Variants in PTGFRN observed in about 807,000 individuals in gnomAD.
The protein encoded by PTGFRN is prostaglandin F2 receptor negative regulator.
In PTGFRN, 35 loss-of-function variants were observed where a neutral mutation model predicts 83.2. The ratio of observed to expected loss-of-function variants is 0.42; its 90% CI spans 0.32 to 0.56. The LOEUF is 0.56. Ranked by LOEUF, PTGFRN falls within the 20% of genes least tolerant of loss-of-function variation. The pLI, the probability that PTGFRN is intolerant of heterozygous loss-of-function variation, is 0.11. For missense variants in PTGFRN, 1,051 were observed against 1,179.5 expected (o/e 0.89, Z 1.60); for synonymous variants, 519 against 498.6 (o/e 1.04, Z -0.55).
At chr1:116,978,671 A>C (rs1456712546) in intron 7 of PTGFRN, among the ~76,000 whole-genome samples, 1 of 152,222 alleles carries the variant, frequency 6.6e-6, no homozygotes, top group Non-Finnish European at 1.5e-5. Flanking sequence ...AAAATTCAAC[A>C]GTCCTTCATG....
intron 1 of PTGFRN, among the ~76,000 whole-genome samples, chr1:116,929,591 C>T (rs932324404): frequency 2.0e-5 from 3 of 152,152 alleles, no homozygotes; most frequent in Non-Finnish European, 2.9e-5. Context: ...AGCAGTTTTG[C>T]CCCAGAGCTT....
At position 116,985,480 on chromosome 1, in the gene PTGFRN, T is replaced by G. The variant is rs574814336; in HGVS notation, c.2473+495T>G. The stretch of plus-strand genomic sequence containing the variant: ...TTGGGAGGCCGAGGCGGGCGGATCA[T>G]GAGGTCAGGAGTTCGAGACCTGCCT... On this transcript the variant is annotated intron_variant, in intron 8 of 8. Transcript: ENST00000393203. 2.6e-5 allele frequency among the ~76,000 whole-genome samples: 4 copies of G among 152,040 alleles called. No individual in the cohort carries two copies. The East Asian group carries it at 7.8e-4, about 29-fold the overall frequency.
In PTGFRN at chr1:116,944,910, G is replaced by A. The variant is rs886350311; in HGVS notation, c.650G>A (p.Ser217Asn). 2.5e-6 allele frequency: 4 copies of A among 1,612,472 alleles called. No individual in the cohort carries two copies. The highest frequency in any genetic ancestry group is 2.5e-6 in the Non-Finnish European group (3 of 1,179,954). ...PGLGYEQRYH[S>N]GDVRLDTVGS... is the part of the protein sequence containing the mutation. ...CTGGGGTACGAGCAGCGCTACCACA[G>A]TGGGGACGTGCGCCTCGACACCGTG... is the stretch of plus-strand genomic sequence containing the variant. The change falls in exon 3 of 9, where the codon AGT becomes AAT. Residue 217 changes from serine (S) to asparagine (N), a missense_variant. Around this residue, in one of 3 missense-constraint regions of PTGFRN, gnomAD observed 205 missense variants for 174.5 expected, o/e 1.17. Transcript: ENST00000393203.
Position 116,987,239 on chromosome 1 carries a change from T to A in PTGFRN, c.*272T>A. On this transcript the variant is annotated 3_prime_UTR_variant, in exon 9 of 9. Transcript: ENST00000393203. ...TTTTAATGGTTAACCTTCATCTAAT[T>A]TTTTTTCTCCCACTGGTTTATAGAT... 2.7e-6 allele frequency: 1 copy of A among 365,766 alleles called. No individual in the cohort carries two copies. Among genetic ancestry groups the A allele is most frequent in the Non-Finnish European group, 5.1e-6 (1 of 197,376 alleles). 22.7% of individuals were successfully genotyped at this position (365,766 alleles called of 1,614,324 possible).
At chr1:116,982,972 G>A (rs890513203) in intron 7 of PTGFRN, among the ~76,000 whole-genome samples, 1 of 152,212 alleles carries the variant, frequency 6.6e-6, no homozygotes, top group Non-Finnish European at 1.5e-5. Context: ...ATTTGCTGCA[G>A]CTGGTAATGC....
intron 7 of PTGFRN, among the ~76,000 whole-genome samples, chr1:116,982,496 C>T (rs922818995): frequency 6.6e-6 from 1 of 152,018 alleles, no homozygotes; most frequent in Non-Finnish European, 1.5e-5. Flanking sequence ...CTGTGCTGAG[C>T]AGGGGTGGGG....
At position 116,944,738 on chromosome 1, in the gene PTGFRN, C is replaced by T. The variant is rs1355504678; in HGVS notation, c.478C>T (p.Arg160Trp). 1 of 1,478,346 alleles carries T rather than the reference C, an allele frequency of 6.8e-7. No homozygotes were observed. Among genetic ancestry groups the T allele is most frequent in the East Asian group, 2.6e-5 (1 of 37,872 alleles). The allele number at this position is 1,478,346 out of a possible 1,614,324, so 91.6% of individuals were successfully genotyped here. A position where few individuals can be genotyped will look rare whatever the true frequency, so the allele number is the denominator to read the frequency against. ...GCGGCCCCCGCCGAGCCTGAGCCTG[C>T]GGGAGGGGGAGCCCTTCGAGCTGCG... is the stretch of plus-strand genomic sequence containing the variant. Reference protein sequence around the residue: ...SARPPPSLSLREGEPFELRCT... With the variant: ...SARPPPSLSLWEGEPFELRCT... The change falls in exon 3 of 9, where the codon CGG (arginine) becomes TGG (tryptophan). Residue 160 changes from arginine (R) to tryptophan (W), a missense_variant. Coordinates refer to ENST00000393203, the MANE Select transcript of PTGFRN (RefSeq NM_020440.4).
intron 6 of PTGFRN, among the ~76,000 whole-genome samples, chr1:116,970,125 T>C (rs2101082265): frequency 6.6e-6 from 1 of 152,176 alleles, no homozygotes; most frequent in East Asian, 1.9e-4. Context: ...GAACCTCCAA[T>C]ACAGTGTTGA....
At chr1:116,985,131 C>G (rs1651427615) in intron 8 of PTGFRN, 146 bp downstream of exon 8, 2 of 791,260 alleles carry the variant, frequency 2.5e-6, no homozygotes, top group Admixed American at 5.7e-5. Context: ...GAGCCTGCAC[C>G]CAGAAGGGCA....
intron 4 of PTGFRN, among the ~76,000 whole-genome samples, chr1:116,957,151 C>CTG (rs57827917): frequency 0.17 from 24,481 of 146,728 alleles, 1,990 homozygotes; most frequent in East Asian, 0.32. Context: ...CGCTGGCTCG[C>CTG]TGTGTGTGTG....
At chr1:116,980,819 C>T (rs943982237) in intron 7 of PTGFRN, among the ~76,000 whole-genome samples, 8 of 152,118 alleles carry the variant, frequency 5.3e-5, no homozygotes, top group African/African-American at 1.4e-4. Context: ...CAAACCTGCA[C>T]GTTGTGCACA....
chr1:116,937,021 G>T (rs1239500297), intron 1 of PTGFRN, among the ~76,000 whole-genome samples: 2 of 152,240 alleles, frequency 1.3e-5, no homozygotes, highest in Non-Finnish European at 2.9e-5. Context: ...GAATGGGGAT[G>T]TGCCACTTTA....
chr1:116,979,384 T>C (rs1271110405), intron 7 of PTGFRN, among the ~76,000 whole-genome samples: 1 of 152,186 alleles, frequency 6.6e-6, no homozygotes, highest in African/African-American at 2.4e-5. Context: ...AAAGTTCATA[T>C]GGCACCAAAA....
At chr1:116,956,409 C>T (rs542785518) in intron 4 of PTGFRN, among the ~76,000 whole-genome samples, 5 of 152,312 alleles carry the variant, frequency 3.3e-5, no homozygotes, top group East Asian at 3.9e-4. Context: ...GCAAGTCCCC[C>T]GTACTCTCAT....
chr1:116,931,922 C>G (rs1302436803), intron 1 of PTGFRN, among the ~76,000 whole-genome samples: 1 of 152,148 alleles, frequency 6.6e-6, no homozygotes, highest in Non-Finnish European at 1.5e-5. Context: ...ATGCTGAAAA[C>G]CATAACCTCT....
intron 6 of PTGFRN, among the ~76,000 whole-genome samples, chr1:116,968,333 A>C (rs1410309693): frequency 2.6e-5 from 4 of 152,152 alleles, no homozygotes; most frequent in Non-Finnish European, 5.9e-5. Context: ...CATTTATATT[A>C]AAGGTAAGCT....
chr1:116,950,196 A>AT (rs1650308094), intron 4 of PTGFRN, among the ~76,000 whole-genome samples: 1 of 152,224 alleles, frequency 6.6e-6, no homozygotes, highest in Non-Finnish European at 1.5e-5. Flanking sequence ...CCTGCCGTAT[A>AT]TGTGGAGATC....
At chr1:116,932,820 T>A (rs1411386581) in intron 1 of PTGFRN, among the ~76,000 whole-genome samples, 1 of 152,178 alleles carries the variant, frequency 6.6e-6, no homozygotes, top group Non-Finnish European at 1.5e-5. Flanking sequence ...TATAATGCAA[T>A]TGAAGGCAAA....
rs1317993760 is a variant in PTGFRN, at chr1:116,989,883, C to T, written c.*2916C>T. ...CCCTGAGATCTTGGTAGAGGAGGCC[C>T]CTCCTGCCCAGACCTTCGTTTGTTT... On this transcript the variant is annotated 3_prime_UTR_variant, in exon 9 of 9. Coordinates refer to ENST00000393203, the MANE Select transcript of PTGFRN (RefSeq NM_020440.4). The T allele has an allele frequency of 6.6e-6, 1 of 152,624 alleles. No homozygotes were observed. The highest frequency in any genetic ancestry group is 1.5e-5 in the Non-Finnish European group (1 of 68,036). The allele number at this position is 152,624 out of a possible 1,614,324, so 9.5% of individuals were successfully genotyped here.
Sources: gnomAD v4.1 joint callset for allele counts (sites outside exome capture counted in the v4.1 genomes callset) on GRCh38, gnomAD v4.1.1 for gene constraint, gnomAD v4.1.1 regional missense constraint, MANE v1.5 for transcripts, NCBI Gene and HGNC (gene_info 2026-07-23, HGNC 2026-07-21) for gene names.